EPB41L4A: variants seen among roughly 807,000 people sequenced by gnomAD.
The protein encoded by EPB41L4A is band 4.1-like protein 4A.
In EPB41L4A, 100 loss-of-function variants were observed where a neutral mutation model predicts 108.6. That is an observed-to-expected ratio of 0.92 (90% CI 0.78 to 1.09). EPB41L4A has a LOEUF of 1.09. Ranked by LOEUF, EPB41L4A falls within the 50% of genes least tolerant of loss-of-function variation. The probability of loss-of-function intolerance (pLI) is 0.00; values close to 1 mark genes in which losing one functional copy is unlikely to be tolerated. For missense variants in EPB41L4A, 1,030 were observed against 842.7 expected, an observed-to-expected ratio of 1.22 and a Z score of -2.75; for synonymous variants, 319 against 289.0, an observed-to-expected ratio of 1.10 and a Z score of -1.05.
chr5:112,357,516 C>A (rs778397441), intron 1 of EPB41L4A, among the ~76,000 whole-genome samples: 39 of 152,186 alleles, frequency 2.6e-4, no homozygotes, highest in Admixed American at 2.0e-4. Flanking sequence ...GACCAGGTGC[C>A]TGGAAAGGAA....
chr5:112,228,221 T>G (rs1367253041), intron 12 of EPB41L4A: 2 of 152,188 alleles, frequency 1.3e-5, no homozygotes, highest in Non-Finnish European at 2.9e-5. Context: ...TATAATAAAA[T>G]TAATTGCTAG....
chr5:112,416,789 G>A (rs891357788), intron 1 of EPB41L4A, among the ~76,000 whole-genome samples: 1 of 152,194 alleles, frequency 6.6e-6, no homozygotes, highest in Non-Finnish European at 1.5e-5. Flanking sequence ...AGTATGTACA[G>A]AACATAAACA....
Position 112,165,115 on chromosome 5 carries a change from T to C in EPB41L4A, c.1936A>G (p.Arg646Gly), listed in dbSNP as rs1171435544. Residue 646 changes from arginine to glycine, a missense_variant, in exon 23 of 23, where the codon AGA becomes GGA. Transcript: ENST00000261486. The part of the protein sequence containing the change: ...GSGDATVHQR[R>G]NGSKDSLMEE... ...ATCAGGCTATCTTTAGACCCATTTC[T>C]TCTCTAAAATATATTTGAAAAATGT... 6.8e-7 allele frequency: 1 copy of C among 1,464,072 alleles called. No individual in the cohort carries two copies. The highest frequency in any genetic ancestry group is 9.0e-7 in the Non-Finnish European group (1 of 1,111,542). 90.7% of individuals were successfully genotyped at this position (1,464,072 alleles called of 1,614,324 possible). A position where few individuals can be genotyped will look rare whatever the true frequency, so the allele number is the denominator to read the frequency against.
intron 1 of EPB41L4A, among the ~76,000 whole-genome samples, chr5:112,408,963 A>G (rs891749188): frequency 2.6e-5 from 4 of 152,108 alleles, no homozygotes; most frequent in African/African-American, 7.2e-5. Context: ...TCTTAGGTAT[A>G]TACACAAGAG....
rs1245795776 is a variant in EPB41L4A at position 112,151,536 on chromosome 5, T to C, written n.995-5538A>G. Among the ~76,000 whole-genome samples the C allele has an allele frequency of 2.6e-5, 4 of 151,910 alleles. No homozygotes were observed. The South Asian group carries it at 6.2e-4, about 24-fold the overall frequency. On this transcript the variant is annotated intron_variant and non_coding_transcript_variant, in intron 12 of 13. Coordinates refer to the EPB41L4A transcript ENST00000507810. The stretch of plus-strand genomic sequence containing the variant: ...GATCCTCCTGCCTCAGTCTCCAAAG[T>C]AGCTGGGACCACAGGTGTGTGCCAT...
intron 18 of EPB41L4A, 111 bp downstream of exon 18, chr5:112,183,901 CAAAT>C: frequency 7.7e-7 from 1 of 1,298,630 alleles, no homozygotes; most frequent in Non-Finnish European, 1.1e-6. Context: ...GTAAATATGA[CAAAT>C]AAACAATGAA....
rs146058720 is a variant in EPB41L4A, at chr5:112,155,466, A to G, written n.994+2935T>C. Among the ~76,000 whole-genome samples, 321 of 152,266 alleles carry G rather than the reference A, an allele frequency of 2.1e-3. 2 individuals carry two copies. Among genetic ancestry groups the G allele is most frequent in the African/African-American group, 7.3e-3 (305 of 41,554 alleles). On this transcript the variant is annotated intron_variant and non_coding_transcript_variant, in intron 12 of 13. Coordinates refer to the EPB41L4A transcript ENST00000507810. ...TGTCAGCATATCCAAAAGCATCCTG[A>G]ATATCAGTGACAGGGATGTTCCACA...
intron 2 of EPB41L4A, among the ~76,000 whole-genome samples, chr5:112,284,971 C>T (rs901555758): frequency 3.3e-5 from 5 of 152,138 alleles, no homozygotes; most frequent in African/African-American, 1.2e-4. Context: ...TAGTGCCCAG[C>T]CAATCAATAT....
intron 4 of EPB41L4A, among the ~76,000 whole-genome samples, chr5:112,269,886 T>C (rs368025950): frequency 5.9e-5 from 9 of 152,178 alleles, no homozygotes; most frequent in Non-Finnish European, 1.5e-5. Context: ...CCCTGAGATT[T>C]TGAGTTATAG....
downstream of EPB41L4A, among the ~76,000 whole-genome samples, chr5:112,160,292 T>G (rs1759810960): frequency 6.6e-6 from 1 of 152,122 alleles, no homozygotes; most frequent in South Asian, 2.1e-4. Context: ...AGCGCTACCC[T>G]ATGGCATGAC....
intron 2 of EPB41L4A, among the ~76,000 whole-genome samples, chr5:112,287,100 C>T (rs1356233186): frequency 2.0e-5 from 3 of 152,170 alleles, no homozygotes; most frequent in African/African-American, 4.8e-5. Flanking sequence ...TAAGCTCATA[C>T]CTCACATCAA....
intron 1 of EPB41L4A, among the ~76,000 whole-genome samples, chr5:112,359,000 G>C (rs1042327462): frequency 6.6e-6 from 1 of 152,102 alleles, no homozygotes; most frequent in African/African-American, 2.4e-5. Flanking sequence ...TTAGCCTAAA[G>C]GGCTAAAATT....
At chr5:112,318,986 T>C (rs1053544338) in intron 1 of EPB41L4A, among the ~76,000 whole-genome samples, 3 of 152,176 alleles carry the variant, frequency 2.0e-5, no homozygotes, top group Non-Finnish European at 2.9e-5. Flanking sequence ...CCAGGTATTG[T>C]CACATTAGCT....
intron 4 of EPB41L4A, among the ~76,000 whole-genome samples, chr5:112,267,702 A>G (rs1434924671): frequency 6.6e-6 from 1 of 152,120 alleles, no homozygotes; most frequent in African/African-American, 2.4e-5. Context: ...GCCATCACTC[A>G]TACTTACTTT....
At position 112,176,402 on chromosome 5, in the gene EPB41L4A, AT is replaced by A. The variant is rs1412044110; in HGVS notation, c.1623-5411del. 3.9e-5 allele frequency among the ~76,000 whole-genome samples: 6 copies of A among 152,168 alleles called. 1 individual carries two copies. The highest frequency in any genetic ancestry group is 2.0e-4 in the Admixed American group (3 of 15,278). ...ATTTGTATTCAGTTGTCCACCTGAC[AT>A]TTCCATTAACTGCCTACTTGGCATC... is the stretch of plus-strand genomic sequence containing the variant. On this transcript the variant is annotated intron_variant, in intron 18 of 22. Transcript: ENST00000261486.
At chr5:112,404,964 C>G (rs992508966) in intron 1 of EPB41L4A, among the ~76,000 whole-genome samples, 6 of 152,284 alleles carry the variant, frequency 3.9e-5, no homozygotes, top group Admixed American at 2.6e-4. Flanking sequence ...TTCTCCAAAT[C>G]TAAAATCCAA....
chr5:112,361,110 C>A (rs1446123175), intron 1 of EPB41L4A, among the ~76,000 whole-genome samples: 3 of 151,966 alleles, frequency 2.0e-5, no homozygotes, highest in Admixed American at 6.6e-5. Flanking sequence ...AAAGAGAGAT[C>A]GGATTGTTAC....
chr5:112,416,305 T>C (rs1321394800), intron 1 of EPB41L4A, among the ~76,000 whole-genome samples: 3 of 152,188 alleles, frequency 2.0e-5, no homozygotes, highest in African/African-American at 7.2e-5. Flanking sequence ...CTATAATTAA[T>C]CTTTTCTAAT....
rs551568280 is a variant in EPB41L4A at position 112,308,430 on chromosome 5, T to A, written c.100-940A>T. 2.0e-5 allele frequency among the ~76,000 whole-genome samples: 3 copies of A among 152,314 alleles called. No homozygotes were observed. The East Asian group carries it at 5.8e-4, about 29-fold the overall frequency. On this transcript the variant is annotated intron_variant, in intron 1 of 22. Transcript: ENST00000261486. ...AAATGGATTGTTAACATGAGAGAAA[T>A]GTTTTTATTAAATGTATTATAAAAT...
Sources: gnomAD v4.1 joint callset for allele counts (sites outside exome capture counted in the v4.1 genomes callset) on GRCh38, gnomAD v4.1.1 for gene constraint, MANE v1.5 for transcripts, NCBI Gene and HGNC (gene_info 2026-07-23, HGNC 2026-07-21) for gene names.